Variants in CDH13 observed in about 807,000 individuals in gnomAD.
CDH13 encodes cadherin 13.
Under a neutral mutation model 63.8 loss-of-function variants are expected in CDH13, and 24 were observed. The ratio of observed to expected loss-of-function variants is 0.38; its 90% CI spans 0.27 to 0.53. CDH13 has a LOEUF of 0.53. Ranked by LOEUF, CDH13 falls within the 20% of genes least tolerant of loss-of-function variation. CDH13 has a pLI of 0.85. For synonymous variants in CDH13, 503 were observed against 355.3 expected (o/e 1.42, Z -4.67); for missense variants, 1,049 against 903.1 (o/e 1.16, Z -2.07).
At chr16:83,189,650 C>G (rs544284542) in intron 4 of CDH13, among the ~76,000 whole-genome samples, 1 of 152,278 alleles carries the variant, frequency 6.6e-6, no homozygotes, top group East Asian at 1.9e-4. Context: ...TGCGTGGTAG[C>G]CTGATCTTCT....
At chr16:82,636,549 A>G (rs1393155808) in intron 1 of CDH13, among the ~76,000 whole-genome samples, 1 of 152,228 alleles carries the variant, frequency 6.6e-6, no homozygotes, top group Non-Finnish European at 1.5e-5. Context: ...AGCACTGGAA[A>G]TATGTCTTAC....
intron 2 of CDH13, among the ~76,000 whole-genome samples, chr16:83,028,390 C>G (rs1249826892): frequency 1.3e-5 from 2 of 152,188 alleles, no homozygotes; most frequent in Non-Finnish European, 2.9e-5. Flanking sequence ...AAAGATGGCT[C>G]TAAAGCTGAC....
chr16:83,648,242 A>G (rs1317331709), intron 8 of CDH13, among the ~76,000 whole-genome samples: 1 of 152,134 alleles, frequency 6.6e-6, no homozygotes, highest in African/African-American at 2.4e-5. Context: ...TCAGAGTCAC[A>G]TGTGTATTTT....
At chr16:83,448,574 A>C (rs1334957750) in intron 6 of CDH13, among the ~76,000 whole-genome samples, 2 of 152,174 alleles carry the variant, frequency 1.3e-5, no homozygotes, top group Non-Finnish European at 2.9e-5. Context: ...GTTTAACATG[A>C]GAAGAGTGAC....
intron 3 of CDH13, among the ~76,000 whole-genome samples, chr16:83,056,194 G>A (rs2030911054): frequency 6.6e-6 from 1 of 152,130 alleles, no homozygotes; most frequent in Non-Finnish European, 1.5e-5. Flanking sequence ...AAATTAATTA[G>A]AATTTAAAAA....
intron 5 of CDH13, among the ~76,000 whole-genome samples, chr16:83,235,742 C>A (rs536984284): frequency 6.6e-6 from 1 of 152,148 alleles, no homozygotes; most frequent in East Asian, 1.9e-4. Context: ...TATTCAGAAA[C>A]ACAATTTTCA....
At chr16:83,323,171 CTTT>C (rs1555530160) in intron 5 of CDH13, among the ~76,000 whole-genome samples, 38,153 of 98,948 alleles carry the variant, frequency 0.39, 8,280 homozygotes, top group South Asian at 0.51. Flanking sequence ...CTTTCTCTTT[CTTT>C]TTTCTTTCTT....
At chr16:83,365,605 G>A (rs566441774) in intron 6 of CDH13, among the ~76,000 whole-genome samples, 5 of 152,166 alleles carry the variant, frequency 3.3e-5, no homozygotes, top group Middle Eastern at 3.2e-3. Flanking sequence ...TGTAATTAAG[G>A]TTATTAATCA....
chr16:83,610,807 A>G (rs1288773495), intron 8 of CDH13, among the ~76,000 whole-genome samples: 1 of 152,148 alleles, frequency 6.6e-6, no homozygotes, highest in Admixed American at 6.5e-5. Flanking sequence ...GCATATTTGA[A>G]GCTTATATGT....
intron 4 of CDH13, among the ~76,000 whole-genome samples, chr16:83,193,415 C>T (rs2038784676): frequency 6.6e-6 from 1 of 152,170 alleles, no homozygotes; most frequent in South Asian, 2.1e-4. Flanking sequence ...GAGCCCCAAA[C>T]CCTACCTCCT....
At chr16:83,674,737 A>G (rs992244935) in intron 9 of CDH13, among the ~76,000 whole-genome samples, 1 of 152,268 alleles carries the variant, frequency 6.6e-6, no homozygotes, top group Non-Finnish European at 1.5e-5. Context: ...TGGCTCTGAC[A>G]GATGAGTGTC....
intron 11 of CDH13, among the ~76,000 whole-genome samples, chr16:83,762,582 T>C (rs554909354): frequency 1.1e-4 from 16 of 152,290 alleles, no homozygotes; most frequent in South Asian, 4.2e-4. Context: ...CCCTGTCTTA[T>C]GTGGGCTGAA....
At chr16:83,710,935 G>T (rs1318264795) in intron 10 of CDH13, among the ~76,000 whole-genome samples, 1 of 152,182 alleles carries the variant, frequency 6.6e-6, no homozygotes, top group Non-Finnish European at 1.5e-5. Flanking sequence ...GCTGTCTCTG[G>T]TGGGCTGAAC....
At chr16:82,677,228 C>G (rs1914030787) in intron 1 of CDH13, among the ~76,000 whole-genome samples, 2 of 152,338 alleles carry the variant, frequency 1.3e-5, no homozygotes, top group Admixed American at 6.5e-5. Flanking sequence ...AAAGGTAATG[C>G]AGACTCATTC....
At chr16:83,767,858 G>A (rs1914502095) in intron 11 of CDH13, among the ~76,000 whole-genome samples, 2 of 152,150 alleles carry the variant, frequency 1.3e-5, no homozygotes, top group Non-Finnish European at 1.5e-5. Flanking sequence ...GGCATGAAGA[G>A]TTAGTACAAA....
intron 1 of CDH13, among the ~76,000 whole-genome samples, chr16:82,741,537 A>C (rs770536719): frequency 2.6e-5 from 4 of 152,220 alleles, no homozygotes; most frequent in Non-Finnish European, 5.9e-5. Flanking sequence ...AAATCCTTGA[A>C]GATGGGGGTC....
intron 5 of CDH13, among the ~76,000 whole-genome samples, chr16:83,258,506 G>A (rs1215986116): frequency 6.6e-6 from 1 of 152,210 alleles, no homozygotes; most frequent in African/African-American, 2.4e-5. Flanking sequence ...TGATCAAGAA[G>A]AGAGGAAGGC....
chr16:83,478,850 AAAAG>A (rs2073682593), intron 6 of CDH13, among the ~76,000 whole-genome samples: 2 of 151,088 alleles, frequency 1.3e-5, no homozygotes, highest in Non-Finnish European at 2.9e-5. Flanking sequence ...AAAAAAAAAA[AAAAG>A]AAAAAAAGAA....
At chr16:83,577,127 G>T (rs1184458333) in intron 7 of CDH13, among the ~76,000 whole-genome samples, 5 of 152,154 alleles carry the variant, frequency 3.3e-5, no homozygotes, top group Admixed American at 2.6e-4. Flanking sequence ...CTGTTGATTG[G>T]CTGCGGGCTT....
Sources: allele counts gnomAD v4.1 joint callset (sites outside exome capture counted in the v4.1 genomes callset), GRCh38; gene constraint gnomAD v4.1.1; transcripts MANE v1.5; gene names NCBI Gene and HGNC (gene_info 2026-07-23, HGNC 2026-07-21).